AGTPBP1: variants seen among roughly 807,000 people sequenced by gnomAD.
AGTPBP1 encodes the protein ATP/GTP binding carboxypeptidase 1.
A neutral mutation model predicts 143.9 loss-of-function variants in AGTPBP1; 70 were observed. The ratio of observed to expected loss-of-function variants is 0.49; its 90% CI spans 0.40 to 0.59. AGTPBP1 has a LOEUF of 0.59. Ranked by LOEUF, AGTPBP1 falls within the 20% of genes least tolerant of loss-of-function variation. The pLI is 0.00. For synonymous variants in AGTPBP1, 463 were observed against 500.2 expected (o/e 0.93, Z 0.99); for missense variants, 1,229 against 1,464.5 (o/e 0.84, Z 2.62).
At chr9:85,742,004 TGC>T (rs1824348338), upstream of AGTPBP1, 3 of 1,208,016 alleles carry the variant, frequency 2.5e-6, no homozygotes, top group African/African-American at 1.6e-5. Context: ...CCGCACGCCT[TGC>T]CAGCCGGCTC....
chr9:85,652,614 C>T (rs1193642672), intron 11 of AGTPBP1, among the ~76,000 whole-genome samples: 2 of 152,130 alleles, frequency 1.3e-5, no homozygotes, highest in African/African-American at 4.8e-5. Context: ...AGCCCCACAC[C>T]CCTTCTCTTA....
chr9:85,739,885 C>T (rs1022423370), intron 1 of AGTPBP1, among the ~76,000 whole-genome samples: 3 of 151,348 alleles, frequency 2.0e-5, no homozygotes, highest in Non-Finnish European at 4.4e-5. Flanking sequence ...TGGTGACGCG[C>T]GCCTATAATC....
chr9:85,724,248 T>C (rs2134653930), intron 1 of AGTPBP1, among the ~76,000 whole-genome samples: 1 of 148,640 alleles, frequency 6.7e-6, no homozygotes, highest in South Asian at 2.1e-4. Flanking sequence ...GATCACACCA[T>C]TGCACTCCAG....
At chr9:85,685,357 C>T (rs1835426955) in intron 3 of AGTPBP1, among the ~76,000 whole-genome samples, 1 of 151,588 alleles carries the variant, frequency 6.6e-6, no homozygotes, top group African/African-American at 2.4e-5. Flanking sequence ...ATAAATAAAT[C>T]CTGAAATCAG....
chr9:85,556,675 C>T (rs1048826370), intron 25 of AGTPBP1, among the ~76,000 whole-genome samples: 6 of 152,094 alleles, frequency 3.9e-5, no homozygotes, highest in African/African-American at 1.4e-4. Context: ...GGCAACTACA[C>T]CAATGTAAAA....
chr9:85,741,212 C>T, intron 1 of AGTPBP1: 1 of 985,426 alleles, frequency 1.0e-6, no homozygotes, highest in Non-Finnish European at 1.2e-6. Context: ...CACACTTCAG[C>T]TCAAACCACC....
chr9:85,604,790 A>G (rs1012407966), intron 17 of AGTPBP1, among the ~76,000 whole-genome samples: 5 of 152,146 alleles, frequency 3.3e-5, no homozygotes, highest in African/African-American at 1.2e-4. Flanking sequence ...GACTGAAATA[A>G]TTTTTAAAAA....
chr9:85,645,373 C>G (rs759547551), intron 12 of AGTPBP1, among the ~76,000 whole-genome samples: 2 of 152,186 alleles, frequency 1.3e-5, no homozygotes, highest in South Asian at 4.2e-4. Flanking sequence ...GTAGAAATGT[C>G]CCAGATTAAA....
intron 1 of AGTPBP1, among the ~76,000 whole-genome samples, chr9:85,737,090 A>G (rs1020308730): frequency 1.3e-4 from 20 of 152,248 alleles, no homozygotes; most frequent in Non-Finnish European, 2.5e-4. Context: ...TGGGCGACAG[A>G]GCAAGACTCC....
chr9:85,585,425 T>G, intron 23 of AGTPBP1, 38 bp downstream of exon 23: 1 of 1,509,092 alleles, frequency 6.6e-7, no homozygotes, highest in Non-Finnish European at 8.9e-7. Context: ...TATGCATGTT[T>G]GAAATTCAAA....
chr9:85,686,007 A>G (rs1262141008), intron 3 of AGTPBP1, among the ~76,000 whole-genome samples: 1 of 152,078 alleles, frequency 6.6e-6, no homozygotes, highest in Non-Finnish European at 1.5e-5. Context: ...AAATTCTAAA[A>G]AAAAGTTCAA....
rs935241861 is a variant in AGTPBP1, at chr9:85,726,313, G to A, written c.-33-13747C>T. On this transcript the variant is annotated intron_variant, in intron 1 of 25. Transcript: ENST00000357081. ...TACCCCCAATGTTTTGCTATTTGGC[G>A]CAAGCTTTGCAAAACATGGACAAAA... Among the ~76,000 whole-genome samples the A allele has an allele frequency of 3.9e-5, 6 of 152,006 alleles. No homozygotes were observed. In the East Asian group the frequency reaches 7.7e-4, roughly 20 times the overall value.
At position 85,632,967 on chromosome 9, in the gene AGTPBP1, T is replaced by C. The variant is rs770915552; in HGVS notation, c.1710A>G (p.Ala570=). 1 of 1,614,032 alleles carries C rather than the reference T, an allele frequency of 6.2e-7. No homozygotes were observed. Among genetic ancestry groups the C allele is most frequent in the Non-Finnish European group, 8.5e-7 (1 of 1,180,032 alleles). ...TTCCACAAGTAGCCATGTGTGGACATGCTTTAGCACAGGTAAGGACAGTAA... is the reference window on the plus strand; with the variant it reads ...TTCCACAAGTAGCCATGTGTGGACACGCTTTAGCACAGGTAAGGACAGTAA... ...LPLTVLTCAK[A]CPHMATCGNV... is the part of the protein sequence containing the mutation. Residue 570 remains alanine (A), a synonymous_variant, in exon 14 of 26, where the codon GCA becomes GCG. Transcript: ENST00000357081.
the AGTPBP1 span, chr9:85,756,107 G>A: frequency 6.3e-7 from 1 of 1,582,266 alleles, no homozygotes; most frequent in Non-Finnish European, 8.6e-7. Flanking sequence ...GTTAGATGAA[G>A]AAGTAGAGAA....
intron 2 of AGTPBP1, among the ~76,000 whole-genome samples, chr9:85,702,776 AT>A (rs1836753116): frequency 6.6e-6 from 1 of 151,966 alleles, no homozygotes; most frequent in Admixed American, 6.6e-5. Flanking sequence ...CCAGGGTAGC[AT>A]TTCAAATTAA....
chr9:85,779,826 C>T, the AGTPBP1 span, among the ~76,000 whole-genome samples: 35 of 152,252 alleles, frequency 2.3e-4, no homozygotes, highest in South Asian at 1.7e-3. Context: ...CACCACTACA[C>T]ACTCTACCCT....
At position 85,642,893 on chromosome 9, in the gene AGTPBP1, C is replaced by T. The variant is rs1411552508; in HGVS notation, c.1236G>A (p.Pro412=). The change falls in exon 13 of 26, where the codon CCG becomes CCA. Residue 412 remains proline (P), a synonymous_variant. Transcript: ENST00000357081. ...TTTTTAGATCTTCTATTGTTCGTCC[C>T]GGTTCTTGCTGGGGTTTTAGTTTGT... ...DINKLKPQQE[P]GRTIEDLKMY... 14 of 1,613,266 alleles carry T rather than the reference C, an allele frequency of 8.7e-6. No individual in the cohort carries two copies. The highest frequency in any genetic ancestry group is 8.3e-5 in the Admixed American group (5 of 59,944).
chr9:85,552,033 G>A (rs1296026267), intron 25 of AGTPBP1, among the ~76,000 whole-genome samples: 1 of 152,142 alleles, frequency 6.6e-6, no homozygotes, highest in Non-Finnish European at 1.5e-5. Flanking sequence ...CAGCTGCCCT[G>A]TGTACACCTG....
intron 17 of AGTPBP1, among the ~76,000 whole-genome samples, chr9:85,608,516 T>C (rs1287995313): frequency 6.6e-6 from 1 of 152,052 alleles, no homozygotes; most frequent in Non-Finnish European, 1.5e-5. Context: ...TATCTTCTTA[T>C]GTGAAGAAGA....
Sources: allele counts gnomAD v4.1 joint callset (sites outside exome capture counted in the v4.1 genomes callset), GRCh38; gene constraint gnomAD v4.1.1; transcripts MANE v1.5; gene names NCBI Gene and HGNC (gene_info 2026-07-23, HGNC 2026-07-21).